CRYBG2: variants seen among roughly 807,000 people sequenced by gnomAD.
CRYBG2 encodes crystallin beta-gamma domain containing 2.
In CRYBG2, 106 loss-of-function variants were observed where a neutral mutation model predicts 153.4. That is an observed-to-expected ratio of 0.69 (90% CI 0.59 to 0.81). CRYBG2 has a LOEUF of 0.81. Among genes scored for constraint, CRYBG2 ranks in the 30% least tolerant of loss-of-function variants. The pLI is 0.00. For missense variants in CRYBG2, 1,996 were observed against 2,112.0 expected, an observed-to-expected ratio of 0.95 and a Z score of 1.08; for synonymous variants, 851 against 877.8, an observed-to-expected ratio of 0.97 and a Z score of 0.54.
intron 8 of CRYBG2, 107 bp downstream of exon 8, chr1:26,337,905 T>C: frequency 6.9e-7 from 1 of 1,449,590 alleles, no homozygotes; most frequent in Non-Finnish European, 9.4e-7. Context: ...ACCGTGCTTC[T>C]GGCCCCCAGT....
rs2073866924 is a variant in CRYBG2, at chr1:26,322,195, C to T, written c.4866G>A (p.Gln1622=). 1 of 1,614,024 alleles carries T rather than the reference C, an allele frequency of 6.2e-7. No homozygotes were observed. The highest frequency in any genetic ancestry group is 1.1e-5 in the South Asian group (1 of 91,086). ...CGTCCAGGATCTGGCCTTCGAACAT[C>T]TGGCTGCAGATGTGGCCCGATTCAC... The part of the protein sequence containing the change: ...SISESGHICS[Q]MFEGQILDVK... The change falls in exon 19 of 20, where the codon CAG becomes CAA. Residue 1622 remains glutamine (Q), a synonymous_variant. Transcript: ENST00000308182.
chr1:26,351,776 C>T (rs2074289634), intron 1 of CRYBG2, among the ~76,000 whole-genome samples: 1 of 152,216 alleles, frequency 6.6e-6, no homozygotes, highest in African/African-American at 2.4e-5. Flanking sequence ...CACCACTCGA[C>T]AGTTCACCTG....
rs747965327 is a variant in CRYBG2 at position 26,336,870 on chromosome 1, G to A, written c.3882C>T (p.Ser1294=). 78 of 1,606,268 alleles carry A rather than the reference G, an allele frequency of 4.9e-5. No individual in the cohort carries two copies. The highest frequency in any genetic ancestry group is 6.2e-5 in the Non-Finnish European group (73 of 1,176,950). The change falls in exon 11 of 20, where the codon AGC becomes AGT. Residue 1294 remains serine, a synonymous_variant. Transcript: ENST00000308182. This position sits in a 1 kb window ranked among gnomAD's most constrained non-coding sequence, Gnocchi z 4.9. ...PDVELVQHGP[S]TQAIHVLSGV... ...CGCTGAGCACGTGGATGGCCTGTGT[G>A]CTGGGGCCGTGTTGCACCAGCTCCA...
intron 16 of CRYBG2, 41 bp from the exon 17 acceptor site, chr1:26,328,373 A>T (rs1409784351): frequency 3.9e-6 from 6 of 1,552,032 alleles, no homozygotes; most frequent in Non-Finnish European, 5.2e-6. Context: ...AAGAGCACAG[A>T]CACACAGACA....
In CRYBG2 at chr1:26,346,510, G is replaced by A. The variant is rs745345285; in HGVS notation, c.148C>T (p.Pro50Ser). 3.1e-6 allele frequency: 5 copies of A among 1,613,356 alleles called. No individual in the cohort carries two copies. Among genetic ancestry groups the A allele is most frequent in the Non-Finnish European group, 4.2e-6 (5 of 1,179,838 alleles). ...SLVSGAQMEAPQKEMFEFSRR... is the reference protein window; with the variant it reads ...SLVSGAQMEASQKEMFEFSRR... ...CTGAACTCAAACATCTCCTTCTGCG[G>A]GGCTTCCATCTGGGCCCCTGACACC... The change falls in exon 2 of 20, where the codon CCG becomes TCG. Residue 50 changes from proline to serine, a missense_variant. Physicochemically the swap from Pro to Ser is moderately conservative, Grantham distance 74. Transcript: ENST00000308182. This position sits in a 1 kb window ranked among gnomAD's most constrained non-coding sequence, Gnocchi z 4.9.
Position 26,344,802 on chromosome 1 carries a change from C to T in CRYBG2, c.1856G>A (p.Gly619Glu), listed in dbSNP as rs913638700. Residue 619 changes from glycine to glutamate, a missense_variant, in exon 2 of 20, where the codon GGG (glycine) becomes GAG (glutamate). Transcript: ENST00000308182. ...GGACAAGGCAGCAGGAGCACCAGAC[C>T]CCTGCACCACCTCCTTCTGGGTGGG... ...SSPTQKEVVQ[G>E]SGAPAALSPK... is the part of the protein sequence containing the mutation. The T allele has an allele frequency of 7.2e-6, 11 of 1,536,110 alleles. No homozygotes were observed. The East Asian group carries it at 2.7e-4, about 38-fold the overall frequency.
rs2074076076 is a variant in CRYBG2, at chr1:26,337,468, A to G, written c.3644+70T>C. Reference sequence around the variant, plus strand: ...AGCTGTCCCCACCCCTACGCAGCCCAGGTCACTCCCCACTCCCAAGGGTAA... The same window carrying G: ...AGCTGTCCCCACCCCTACGCAGCCCGGGTCACTCCCCACTCCCAAGGGTAA... On this transcript the variant is annotated intron_variant, in intron 9 of 19. Coordinates refer to ENST00000308182, the MANE Select transcript of CRYBG2 (RefSeq NM_001039775.4). 3.1e-6 allele frequency: 5 copies of G among 1,602,122 alleles called. No individual in the cohort carries two copies. The Admixed American group carries it at 8.4e-5, about 27-fold the overall frequency.
chr1:26,333,549 A>C (rs1171849033), intron 14 of CRYBG2, among the ~76,000 whole-genome samples: 1 of 151,732 alleles, frequency 6.6e-6, no homozygotes, highest in Non-Finnish European at 1.5e-5. Flanking sequence ...CTAGGCAACA[A>C]GAGTGAAACT....
chr1:26,332,232 A>G (rs1315633271), intron 14 of CRYBG2, among the ~76,000 whole-genome samples: 2 of 149,470 alleles, frequency 1.3e-5, no homozygotes, highest in East Asian at 2.0e-4. Context: ...GCATGAACCC[A>G]GGAGGCGGAG....
intron 10 of CRYBG2, 83 bp downstream of exon 10, chr1:26,337,170 C>T: frequency 1.3e-6 from 2 of 1,585,254 alleles, no homozygotes; most frequent in Non-Finnish European, 1.7e-6. Flanking sequence ...AGAGGGGGTA[C>T]AAATTCTTCC....
intron 1 of CRYBG2, among the ~76,000 whole-genome samples, chr1:26,351,938 T>A (rs1331614776): frequency 6.6e-6 from 1 of 152,132 alleles, no homozygotes; most frequent in Non-Finnish European, 1.5e-5. Context: ...AAGGGGCCAT[T>A]CCCAGAGCCC....
At position 26,336,602 on chromosome 1, in the gene CRYBG2, G is replaced by A; in HGVS notation, c.4038+4C>T. The A allele has an allele frequency of 1.9e-6, 3 of 1,547,570 alleles. No individual in the cohort carries two copies. The highest frequency in any genetic ancestry group is 2.5e-5 in the East Asian group (1 of 40,624). On this transcript the variant is annotated splice_donor_region_variant and intron_variant, in intron 12 of 19. Coordinates refer to ENST00000308182, the MANE Select transcript of CRYBG2 (RefSeq NM_001039775.4). The surrounding 1 kb of genome is among the most constrained non-coding windows in gnomAD (Gnocchi z 4.9). ...AGGCCCCGCCCCCCGCGGCCGGCACGCACCTGTAGGACCGGCTGCAGCGAG... is the reference window on the plus strand; with the variant it reads ...AGGCCCCGCCCCCCGCGGCCGGCACACACCTGTAGGACCGGCTGCAGCGAG...
intron 14 of CRYBG2, 25 bp from the exon 15 acceptor site, chr1:26,331,643 G>T: frequency 6.2e-7 from 1 of 1,600,754 alleles, no homozygotes; most frequent in Non-Finnish European, 8.5e-7. Context: ...GAAATGGAGG[G>T]TATCTGAGCC....
Position 26,331,544 on chromosome 1 carries a change from G to T in CRYBG2, c.4259C>A (p.Thr1420Lys). 1 of 1,614,112 alleles carries T rather than the reference G, an allele frequency of 6.2e-7. No homozygotes were observed. ...TGTGGAGGCGAGGCAGCCCATGGCC[G>T]TGAGAGTGGGGAACTCGCCCTCAGA... ...ILSEGEFPTL[T>K]AMGCLASTVL... Residue 1420 changes from threonine to lysine, a missense_variant, in exon 15 of 20, where the codon ACG becomes AAG. Transcript: ENST00000308182.
At chr1:26,337,922 C>A in intron 8 of CRYBG2, 90 bp downstream of exon 8, 1 of 1,512,982 alleles carries the variant, frequency 6.6e-7, no homozygotes, top group Non-Finnish European at 9.0e-7. Context: ...CAGTGCCCTC[C>A]TCTCTGGATT....
At position 26,322,012 on chromosome 1, in the gene CRYBG2, C is replaced by G. The variant is rs2073862765; in HGVS notation, c.4942G>C (p.Asp1648His). 6.2e-7 allele frequency: 1 copy of G among 1,606,336 alleles called. No individual in the cohort carries two copies. Among genetic ancestry groups the G allele is most frequent in the South Asian group, 1.1e-5 (1 of 90,830 alleles). The change falls in exon 20 of 20, where the codon GAT becomes CAT. Residue 1648 changes from aspartate to histidine, a missense_variant. Physicochemically the swap from Asp to His is moderately conservative, Grantham distance 81. Coordinates refer to ENST00000308182, the MANE Select transcript of CRYBG2 (RefSeq NM_001039775.4). ...DRDHVVLWEP[D>H]EDRASQIWTI... is the part of the protein sequence containing the mutation. ...CAGATCTGGGATGCCCTGTCCTCATCCGGCTCCCATAGCACCACGTGGTCC... is the reference window on the plus strand; with the variant it reads ...CAGATCTGGGATGCCCTGTCCTCATGCGGCTCCCATAGCACCACGTGGTCC...
intron 7 of CRYBG2, 117 bp from the exon 8 acceptor site, chr1:26,338,164 A>C: frequency 6.9e-7 from 1 of 1,450,118 alleles, no homozygotes; most frequent in East Asian, 2.4e-5. Flanking sequence ...CTTTTCCCCT[A>C]CCTCTTAGGT....
intron 17 of CRYBG2, among the ~76,000 whole-genome samples, 194 bp from the exon 18 acceptor site, chr1:26,324,504 TCA>T (rs10611174): frequency 0.64 from 79,985 of 125,900 alleles, 22,145 homozygotes; most frequent in Middle Eastern, 0.72. Context: ...TCTCTCTCTC[TCA>T]CACACACACA....
intron 5 of CRYBG2, among the ~76,000 whole-genome samples, 163 bp from the exon 6 acceptor site, chr1:26,339,592 C>G (rs1017104384): frequency 2.0e-5 from 3 of 152,060 alleles, no homozygotes; most frequent in African/African-American, 7.2e-5. Context: ...ACTAAAAATA[C>G]AAAATTAGCT....
Sources: gnomAD v4.1 joint callset for allele counts (sites outside exome capture counted in the v4.1 genomes callset) on GRCh38, gnomAD v4.1.1 for gene constraint, Gnocchi (gnomAD v3.1) non-coding constraint, MANE v1.5 for transcripts, NCBI Gene and HGNC (gene_info 2026-07-23, HGNC 2026-07-21) for gene names.